The following CHD7 variants were observed in gnomAD, a reference collection of about 807,000 sequenced individuals.
CHD7 encodes chromodomain helicase DNA binding protein 7.
In CHD7, 24 loss-of-function variants were observed where a neutral mutation model predicts 307.3. That is an observed-to-expected ratio of 0.08 (90% CI 0.06 to 0.11). CHD7 has a LOEUF of 0.11. Among genes scored for constraint, CHD7 ranks in the 10% least tolerant of loss-of-function variants. CHD7 has a pLI of 1.00. For missense variants in CHD7, 3,106 were observed against 3,727.1 expected (o/e 0.83, Z 4.34); for synonymous variants, 1,363 against 1,349.9 (o/e 1.01, Z -0.21).
intron 2 of CHD7, among the ~76,000 whole-genome samples, chr8:60,752,436 T>G (rs968877675): frequency 2.0e-5 from 3 of 152,228 alleles, no homozygotes; most frequent in African/African-American, 7.2e-5. Flanking sequence ...CTCACCCATT[T>G]GGTGGGCTGT....
At position 60,781,352 on chromosome 8, in the gene CHD7, C is replaced by T. The variant is rs1380432730; in HGVS notation, c.2018C>T (p.Ala673Val). 1 of 1,557,680 alleles carries T rather than the reference C, an allele frequency of 6.4e-7. No individual in the cohort carries two copies. The highest frequency in any genetic ancestry group is 8.6e-7 in the Non-Finnish European group (1 of 1,157,918). Reference sequence around the variant, plus strand: ...CCCAAGGAACCCAAGACCCCGAAAGCCCCTAAGATTCCCAAAGAGCCAAAG... The same window carrying T: ...CCCAAGGAACCCAAGACCCCGAAAGTCCCTAAGATTCCCAAAGAGCCAAAG... The part of the protein sequence containing the change: ...KEPKEPKTPK[A>V]PKIPKEPKEK... The change falls in exon 3 of 38, where the codon GCC becomes GTC. Residue 673 changes from alanine to valine, a missense_variant. Ala to Val is a moderately conservative substitution (Grantham distance 64). Around this residue, in one of 10 missense-constraint regions of CHD7, gnomAD observed 998 missense variants for 1,004.5 expected, o/e 0.99. Transcript: ENST00000423902.
At chr8:60,689,044 T>TGG (rs1433306624) in intron 1 of CHD7, among the ~76,000 whole-genome samples, 1 of 152,194 alleles carries the variant, frequency 6.6e-6, no homozygotes, top group Non-Finnish European at 1.5e-5. Context: ...GGGAAGGCTC[T>TGG]GGGGTAGCCT....
At chr8:60,810,080 C>T (rs190262554) in intron 7 of CHD7, among the ~76,000 whole-genome samples, 1 of 152,280 alleles carries the variant, frequency 6.6e-6, no homozygotes, top group African/African-American at 2.4e-5. Flanking sequence ...TTTACTTTGC[C>T]CACATTATCC....
At chr8:60,863,835 A>G (rs1039702851) in intron 37 of CHD7, 1 of 149,424 alleles carries the variant, frequency 6.7e-6, no homozygotes, top group Non-Finnish European at 1.5e-5. Flanking sequence ...CCTAGGCTCA[A>G]GCAATCCTCC....
chr8:60,708,592 CTCT>C (rs909758086), intron 1 of CHD7, among the ~76,000 whole-genome samples: 4 of 152,180 alleles, frequency 2.6e-5, no homozygotes, highest in Non-Finnish European at 2.9e-5. Flanking sequence ...GTAGGATCTG[CTCT>C]TCTTTAAATA....
chr8:60,733,948 G>A lies in CHD7; in HGVS notation c.-174-7311G>A, dbSNP rs1262133539. On this transcript the variant is annotated intron_variant, in intron 1 of 37. Transcript: ENST00000423902. Reference sequence around the variant, plus strand: ...GACTTGCACAAATGATTGGCAAACAGATGGGCATATCTTTAAAATTAAACC... The same window carrying A: ...GACTTGCACAAATGATTGGCAAACAAATGGGCATATCTTTAAAATTAAACC... Among the ~76,000 whole-genome samples, 5 of 152,152 alleles carry A rather than the reference G, an allele frequency of 3.3e-5. No homozygotes were observed. In the East Asian group the frequency reaches 9.6e-4, roughly 29 times the overall value.
At chr8:60,841,476 T>G (rs1228803967) in intron 19 of CHD7, among the ~76,000 whole-genome samples, 168 bp from the exon 20 acceptor site, 1 of 152,252 alleles carries the variant, frequency 6.6e-6, no homozygotes, top group Admixed American at 6.5e-5. Flanking sequence ...CAGGCCCTGG[T>G]CAGTGAGCTG....
intron 1 of CHD7, among the ~76,000 whole-genome samples, chr8:60,681,218 G>T (rs1031342864): frequency 1.3e-5 from 2 of 152,188 alleles, no homozygotes; most frequent in Non-Finnish European, 2.9e-5. Context: ...TATTTAGATT[G>T]CAGTAATGTC....
chr8:60,764,579 AG>A (rs1810377117), intron 2 of CHD7, among the ~76,000 whole-genome samples: 2 of 152,214 alleles, frequency 1.3e-5, no homozygotes, highest in South Asian at 2.1e-4. Context: ...ACTCTTATTT[AG>A]AATATTCAAA....
chr8:60,737,483 G>A (rs1808769433), intron 1 of CHD7, among the ~76,000 whole-genome samples: 1 of 152,148 alleles, frequency 6.6e-6, no homozygotes, highest in African/African-American at 2.4e-5. Flanking sequence ...TGTTAAATGA[G>A]GAGGGGTTTG....
At chr8:60,806,773 CG>C (rs1812555663) in intron 6 of CHD7, among the ~76,000 whole-genome samples, 1 of 152,042 alleles carries the variant, frequency 6.6e-6, no homozygotes, top group African/African-American at 2.4e-5. Context: ...GAGGCTGAGA[CG>C]GGGGGATTGC....
intron 2 of CHD7, among the ~76,000 whole-genome samples, chr8:60,762,104 C>G (rs941028124): frequency 7.2e-5 from 11 of 152,210 alleles, no homozygotes; most frequent in African/African-American, 2.7e-4. Flanking sequence ...TCTGTGTCAT[C>G]TCTTCATGGG....
intron 7 of CHD7, among the ~76,000 whole-genome samples, chr8:60,809,758 T>G (rs548966657): frequency 6.0e-5 from 9 of 151,118 alleles, no homozygotes; most frequent in African/African-American, 2.2e-4. Context: ...TCCATAAAAC[T>G]AAGAGTTTTT....
intron 34 of CHD7, 113 bp from the exon 35 acceptor site, chr8:60,860,791 T>C: frequency 2.4e-6 from 2 of 818,286 alleles, no homozygotes; most frequent in Non-Finnish European, 3.9e-6. Flanking sequence ...TTCTAGTAAC[T>C]ATTTTCTCTT....
rs563968219 is a variant in CHD7, at chr8:60,771,994, T to A, written c.1666-9006T>A. On this transcript the variant is annotated intron_variant, in intron 2 of 37. Coordinates refer to ENST00000423902, the MANE Select transcript of CHD7 (RefSeq NM_017780.4). ...ACACGTGAAATCCTTTTACCTTCGC[T>A]GTATTCTGTTGGCTTGAGGGTCGCA... Among the ~76,000 whole-genome samples, 3 of 152,350 alleles carry A rather than the reference T, an allele frequency of 2.0e-5. No homozygotes were observed. The South Asian group carries it at 6.2e-4, about 32-fold the overall frequency.
chr8:60,805,764 A>G (rs1478324963), intron 6 of CHD7, among the ~76,000 whole-genome samples: 1 of 152,242 alleles, frequency 6.6e-6, no homozygotes, highest in Non-Finnish European at 1.5e-5. Flanking sequence ...AAGAATCAGG[A>G]GAAATAATAC....
At chr8:60,735,970 G>A (rs1044279359) in intron 1 of CHD7, among the ~76,000 whole-genome samples, 3 of 152,304 alleles carry the variant, frequency 2.0e-5, no homozygotes, top group Middle Eastern at 3.4e-3. Context: ...CATGTGGCTG[G>A]TGGCTTCTGG....
intron 23 of CHD7, among the ~76,000 whole-genome samples, chr8:60,845,841 A>G (rs1340168645): frequency 6.6e-6 from 1 of 152,216 alleles, no homozygotes; most frequent in East Asian, 1.9e-4. Flanking sequence ...AAATGTTTCC[A>G]TCTTCCCAAA....
At chr8:60,799,598 G>C (rs1812198419) in intron 4 of CHD7, among the ~76,000 whole-genome samples, 1 of 152,000 alleles carries the variant, frequency 6.6e-6, no homozygotes, top group Non-Finnish European at 1.5e-5. Flanking sequence ...GAAATATCTG[G>C]GGCACCTTGG....
Sources: allele counts gnomAD v4.1 joint callset (sites outside exome capture counted in the v4.1 genomes callset), GRCh38; gene constraint gnomAD v4.1.1; regional missense constraint gnomAD v4.1.1; transcripts MANE v1.5; gene names NCBI Gene and HGNC (gene_info 2026-07-23, HGNC 2026-07-21).